Variants in PTPRG observed in about 807,000 individuals in gnomAD.
The protein encoded by PTPRG is protein tyrosine phosphatase receptor type G.
Under a neutral mutation model 165.3 loss-of-function variants are expected in PTPRG, and 102 were observed. The observed-to-expected ratio is 0.62, with a 90% confidence interval of 0.53 to 0.73. PTPRG has a LOEUF of 0.73. Ranked by LOEUF, PTPRG falls within the 30% of genes least tolerant of loss-of-function variation. The probability of loss-of-function intolerance (pLI) is 0.00; values close to 1 mark genes in which losing one functional copy is unlikely to be tolerated. For synonymous variants in PTPRG, 675 were observed against 669.5 expected, an observed-to-expected ratio of 1.01 and a Z score of -0.13; for missense variants, 1,866 against 1,861.4, an observed-to-expected ratio of 1.00 and a Z score of -0.05.
At chr3:62,041,743 G>C (rs1034563049) in intron 4 of PTPRG, among the ~76,000 whole-genome samples, 1 of 152,058 alleles carries the variant, frequency 6.6e-6, no homozygotes, top group South Asian at 2.1e-4. Flanking sequence ...CGGTGGTAAT[G>C]ATCATTGTGA....
chr3:61,909,409 C>G (rs1920058), intron 2 of PTPRG, among the ~76,000 whole-genome samples: 71,531 of 152,026 alleles, frequency 0.47, 19,563 homozygotes, highest in African/African-American at 0.76. Context: ...GAGTGCAATG[C>G]TGTGATCATG....
intron 2 of PTPRG, among the ~76,000 whole-genome samples, chr3:61,961,947 A>G (rs993528273): frequency 6.6e-6 from 1 of 152,182 alleles, no homozygotes; most frequent in Non-Finnish European, 1.5e-5. Context: ...TGCACTCCCC[A>G]GTTACAGTTC....
intron 1 of PTPRG, among the ~76,000 whole-genome samples, chr3:61,671,004 T>G (rs1298283829): frequency 6.6e-6 from 1 of 151,808 alleles, no homozygotes; most frequent in Non-Finnish European, 1.5e-5. Context: ...ATGATTCAAT[T>G]TGAGAACATG....
chr3:61,637,832 G>A (rs1412861297), intron 1 of PTPRG, among the ~76,000 whole-genome samples: 1 of 152,158 alleles, frequency 6.6e-6, no homozygotes, highest in Non-Finnish European at 1.5e-5. Context: ...ACCCAGCCCA[G>A]CCCTTTGAGA....
chr3:62,104,779 A>T (rs903267061), intron 5 of PTPRG, among the ~76,000 whole-genome samples: 6 of 152,190 alleles, frequency 3.9e-5, no homozygotes, highest in Admixed American at 3.9e-4. Flanking sequence ...CAAAAGCTGG[A>T]ACTGATGGTC....
chr3:61,749,143 G>T, intron 2 of PTPRG, 161 bp downstream of exon 2: 1 of 717,514 alleles, frequency 1.4e-6, no homozygotes, highest in South Asian at 1.5e-5. Context: ...TTTCCTCAAG[G>T]TTATAAGCAC....
chr3:61,579,368 C>T (rs1047990564), intron 1 of PTPRG, among the ~76,000 whole-genome samples: 6 of 152,092 alleles, frequency 3.9e-5, no homozygotes, highest in Admixed American at 2.0e-4. Flanking sequence ...TCTCCTTCAC[C>T]AGGGGTGAGG....
chr3:62,158,485 T>C (rs191073112), intron 7 of PTPRG, among the ~76,000 whole-genome samples: 2 of 152,194 alleles, frequency 1.3e-5, no homozygotes, highest in African/African-American at 4.8e-5. Context: ...CTGGGTCTTA[T>C]GTCAAGTATT....
At chr3:62,055,876 A>C (rs1044197678) in intron 4 of PTPRG, among the ~76,000 whole-genome samples, 10 of 152,204 alleles carry the variant, frequency 6.6e-5, no homozygotes, top group Non-Finnish European at 1.3e-4. Context: ...TCTCAATTTG[A>C]TCATCTGCAA....
intron 8 of PTPRG, among the ~76,000 whole-genome samples, chr3:62,185,965 C>T (rs1015251182): frequency 1.3e-5 from 2 of 152,158 alleles, no homozygotes; most frequent in Non-Finnish European, 2.9e-5. Context: ...TTCTGTTTTG[C>T]TGCGTTTGCC....
At chr3:61,826,241 C>T (rs1397337115) in intron 2 of PTPRG, among the ~76,000 whole-genome samples, 1 of 152,070 alleles carries the variant, frequency 6.6e-6, no homozygotes, top group African/African-American at 2.4e-5. Context: ...ATGTTTATCC[C>T]TTCTTCTGTA....
chr3:61,687,472 A>G (rs1703670129), intron 1 of PTPRG, among the ~76,000 whole-genome samples: 1 of 152,240 alleles, frequency 6.6e-6, no homozygotes, highest in Non-Finnish European at 1.5e-5. Flanking sequence ...CTGTACATTA[A>G]GAGACCTGGC....
chr3:62,061,446 G>T (rs1252353345), intron 4 of PTPRG, among the ~76,000 whole-genome samples: 2 of 152,012 alleles, frequency 1.3e-5, no homozygotes, highest in Non-Finnish European at 2.9e-5. Context: ...ATGAAGTCAT[G>T]GTTTTGATAT....
chr3:61,562,451 T>G, intron 1 of PTPRG, 79 bp downstream of exon 1: 1 of 1,406,560 alleles, frequency 7.1e-7, no homozygotes, highest in Non-Finnish European at 1.0e-6. Context: ...GGCGCGGAGC[T>G]CCGGCGCCCG....
intron 2 of PTPRG, among the ~76,000 whole-genome samples, chr3:61,895,621 A>G (rs1559675265): frequency 1.3e-5 from 2 of 152,178 alleles, no homozygotes; most frequent in South Asian, 2.1e-4. Flanking sequence ...AGGGCATTTT[A>G]TTTTTGAAAG....
chr3:61,708,646 A>T (rs2031389156), intron 1 of PTPRG, among the ~76,000 whole-genome samples: 1 of 151,144 alleles, frequency 6.6e-6, no homozygotes, highest in Admixed American at 6.6e-5. Context: ...TTTAGTAGAG[A>T]TGGGGTTTCA....
intron 7 of PTPRG, among the ~76,000 whole-genome samples, chr3:62,164,219 C>T (rs961841144): frequency 6.6e-6 from 1 of 152,110 alleles, no homozygotes; most frequent in Non-Finnish European, 1.5e-5. Context: ...GCTTATGGCA[C>T]CTTTTGGAAT....
chr3:61,918,188 C>T (rs1453417614), intron 2 of PTPRG, among the ~76,000 whole-genome samples: 1 of 152,104 alleles, frequency 6.6e-6, no homozygotes, highest in African/African-American at 2.4e-5. Flanking sequence ...CAAAAAAATA[C>T]TTGGATTGAG....
chr3:62,157,014 C>T (rs567909083), intron 6 of PTPRG, 53 bp from the exon 7 acceptor site: 16 of 1,496,510 alleles, frequency 1.1e-5, no homozygotes, highest in East Asian at 2.3e-5. Context: ...GTCTGCGGCT[C>T]GGAATGGCAT....
Sources: gnomAD v4.1 joint callset for allele counts (sites outside exome capture counted in the v4.1 genomes callset) on GRCh38, gnomAD v4.1.1 for gene constraint, MANE v1.5 for transcripts, NCBI Gene and HGNC (gene_info 2026-07-23, HGNC 2026-07-21) for gene names.